C4orf50: variants seen among roughly 807,000 people sequenced by gnomAD.
C4orf50 encodes chromosome 4 open reading frame 50, also known as uncharacterized protein C4orf50.
A neutral mutation model predicts 77.2 loss-of-function variants in C4orf50; 80 were observed. The observed-to-expected ratio is 1.04, with a 90% CI of 0.87 to 1.25. The LOEUF (loss-of-function observed/expected upper bound fraction) is 1.25, where lower values mean the gene tolerates loss of function less well. C4orf50 is among the 50% of genes most tolerant of loss of function. The pLI is 0.00. For synonymous variants in C4orf50, 532 were observed against 465.3 expected (o/e 1.14, Z -1.84); for missense variants, 1,257 against 1,152.9 (o/e 1.09, Z -1.31).
intron 7 of C4orf50, among the ~76,000 whole-genome samples, chr4:5,918,941 G>A (rs143593852): frequency 7.2e-5 from 11 of 152,246 alleles, no homozygotes; most frequent in East Asian, 1.9e-4. Flanking sequence ...TGGTTCTAAC[G>A]TGCAACCAGG....
At chr4:5,955,847 T>C (rs1718934898), downstream of C4orf50, among the ~76,000 whole-genome samples, 1 of 152,132 alleles carries the variant, frequency 6.6e-6, no homozygotes, top group African/African-American at 2.4e-5. This position sits in a 1 kb window ranked among gnomAD's most constrained non-coding sequence, Gnocchi z 5.1. Context: ...GCCCTGTCTG[T>C]GATGCTAAAT....
At chr4:6,004,160 GA>G (rs1722058881) in intron 25 of C4orf50, among the ~76,000 whole-genome samples, 1 of 121,740 alleles carries the variant, frequency 8.2e-6, no homozygotes, top group African/African-American at 3.7e-5. Flanking sequence ...TGATGGTGAT[GA>G]TAGTGATGAT....
exon 28 of C4orf50, chr4:5,989,158 C>T (rs1456029900): frequency 2.6e-6 from 4 of 1,535,656 alleles, no homozygotes; most frequent in Middle Eastern, 1.7e-4. Context: ...CTCTCTCTCT[C>T]TTTCAAGGGC....
chr4:6,009,181 C>T lies in C4orf50; in HGVS notation c.427-649G>A, dbSNP rs1722383275. Reference sequence around the variant, plus strand: ...ATCTGACTCAGGCCTTTTCTTCTTTCATCTGCCCACCTGCCTGGCCTGGGA... The same window carrying T: ...ATCTGACTCAGGCCTTTTCTTCTTTTATCTGCCCACCTGCCTGGCCTGGGA... On this transcript the variant is annotated intron_variant, in intron 24 of 33. Coordinates refer to ENST00000531445, the Ensembl canonical transcript of C4orf50. The surrounding 1 kb of genome is among the most constrained non-coding windows in gnomAD (Gnocchi z 5.6). 6.6e-6 allele frequency among the ~76,000 whole-genome samples: 1 copy of T among 152,214 alleles called. No individual in the cohort carries two copies. The highest frequency in any genetic ancestry group is 1.5e-5 in the Non-Finnish European group (1 of 68,038).
chr4:6,016,767 G>C (rs1249522714), intron 23 of C4orf50, among the ~76,000 whole-genome samples: 1 of 152,044 alleles, frequency 6.6e-6, no homozygotes, highest in East Asian at 1.9e-4. Flanking sequence ...AGTAACAGAA[G>C]AATTTTTCTG....
At chr4:5,923,758 G>T (rs1262503832) in intron 7 of C4orf50, among the ~76,000 whole-genome samples, 2 of 152,226 alleles carry the variant, frequency 1.3e-5, no homozygotes, top group Non-Finnish European at 2.9e-5. Flanking sequence ...AATACTGAGT[G>T]TCAACTTGAT....
At position 5,946,345 on chromosome 4, in the gene C4orf50, A is replaced by G. The variant is rs370576150; in HGVS notation, c.*2474+10556T>C. 4.6e-5 allele frequency among the ~76,000 whole-genome samples: 7 copies of G among 152,226 alleles called. No homozygotes were observed. In the South Asian group the frequency reaches 1.2e-3, roughly 27 times the overall value. On this transcript the variant is annotated intron_variant, in intron 7 of 7. Coordinates refer to the C4orf50 transcript ENST00000324058. ...CAAACCCAAAACCCCTAGACCTTCA[A>G]TGCACCCCCTGTGCTGAATATGATA...
At chr4:5,972,676 G>A (rs1719995514) in intron 31 of C4orf50, among the ~76,000 whole-genome samples, 1 of 152,252 alleles carries the variant, frequency 6.6e-6, no homozygotes, top group Non-Finnish European at 1.5e-5. Flanking sequence ...CAGACCTGGT[G>A]CCAAGGGGCT....
chr4:5,909,416 T>C (rs1248078704), intron 7 of C4orf50, among the ~76,000 whole-genome samples: 1 of 152,378 alleles, frequency 6.6e-6, no homozygotes, highest in Middle Eastern at 3.4e-3. Context: ...AGTAATGTCT[T>C]GTTGGATGTA....
intron 25 of C4orf50, among the ~76,000 whole-genome samples, chr4:6,006,602 T>A (rs1015134670): frequency 1.3e-5 from 2 of 152,196 alleles, no homozygotes; most frequent in African/African-American, 4.8e-5. Flanking sequence ...AAACACCCAG[T>A]ATGGAGCCGA....
At chr4:5,969,159 G>A (rs918681773) in intron 31 of C4orf50, among the ~76,000 whole-genome samples, 3 of 152,074 alleles carry the variant, frequency 2.0e-5, no homozygotes, top group Non-Finnish European at 4.4e-5. Flanking sequence ...CCGAGTAGGG[G>A]ACAGATGAAG....
intron 7 of C4orf50, among the ~76,000 whole-genome samples, chr4:5,949,393 C>T (rs926728925): frequency 2.6e-5 from 4 of 152,192 alleles, no homozygotes; most frequent in Admixed American, 2.0e-4. Context: ...CGCTCCAACA[C>T]GGATGAACCT....
chr4:5,914,205 G>GTTTTTTTTTT (rs1207974269), intron 7 of C4orf50, among the ~76,000 whole-genome samples: 1 of 78,162 alleles, frequency 1.3e-5, no homozygotes, highest in African/African-American at 4.1e-5. Flanking sequence ...TTTTATGGGT[G>GTTTTTTTTTT]TTTTTTTTTT....
chr4:5,964,946 A>C, intron 33 of C4orf50, 78 bp downstream of exon 11: 1 of 1,433,104 alleles, frequency 7.0e-7, no homozygotes, highest in Non-Finnish European at 9.6e-7. Context: ...TCGCTTGGAT[A>C]ATTTGCTAAG....
chr4:6,003,833 GAT>G (rs1341390702), intron 25 of C4orf50, among the ~76,000 whole-genome samples: 2 of 86,214 alleles, frequency 2.3e-5, no homozygotes, highest in Admixed American at 1.3e-4. Context: ...TGATGGTGAT[GAT>G]GTGATAGTGA....
intron 26 of C4orf50, among the ~76,000 whole-genome samples, chr4:5,993,650 T>C (rs112470170): frequency 0.084 from 12,757 of 151,642 alleles, 640 homozygotes; most frequent in African/African-American, 0.14. Flanking sequence ...AACCCCATCT[T>C]TACTAAAAAT....
At chr4:5,969,524 G>T (rs1317438436) in intron 31 of C4orf50, among the ~76,000 whole-genome samples, 1 of 151,724 alleles carries the variant, frequency 6.6e-6, no homozygotes, top group Non-Finnish European at 1.5e-5. Context: ...CTACCTCTTT[G>T]CCCCGACTGG....
chr4:5,928,699 G>A (rs957886005), intron 7 of C4orf50, among the ~76,000 whole-genome samples: 1 of 152,182 alleles, frequency 6.6e-6, no homozygotes, highest in African/African-American at 2.4e-5. Flanking sequence ...CACTTCCAAA[G>A]ATGCAGTGAC....
Position 5,992,842 on chromosome 4 carries a change from G to A in C4orf50, c.1182C>T (p.Ser394=), listed in dbSNP as rs566904215. 39 of 399,130 alleles carry A rather than the reference G, an allele frequency of 9.8e-5. No individual in the cohort carries two copies. The East Asian group carries it at 1.2e-3, about 12-fold the overall frequency. 24.7% of individuals were successfully genotyped at this position (399,130 alleles called of 1,614,324 possible). The change falls in exon 27 of 34, where the codon AGC becomes AGT. Residue 394 remains serine, a synonymous_variant. Coordinates refer to ENST00000531445, the Ensembl canonical transcript of C4orf50. This position sits in a 1 kb window ranked among gnomAD's most constrained non-coding sequence, Gnocchi z 5.0. ...ATCCGGCCAGGTCTCTGGGGAGCTC[G>A]CTTGTGGTCTCCGGGCCTGGAGCCA...
Sources: gnomAD v4.1 joint callset for allele counts (sites outside exome capture counted in the v4.1 genomes callset) on GRCh38, gnomAD v4.1.1 for gene constraint, Gnocchi (gnomAD v3.1) non-coding constraint, MANE v1.5 for transcripts, NCBI Gene and HGNC (gene_info 2026-07-23, HGNC 2026-07-21) for gene names.